Variants in DLL4 observed in about 807,000 individuals in gnomAD.
The protein encoded by DLL4 is delta like canonical Notch ligand 4.
A neutral mutation model predicts 73.6 loss-of-function variants in DLL4; 7 were observed. The ratio of observed to expected loss-of-function variants is 0.10; its 90% confidence interval spans 0.05 to 0.18. DLL4 has a LOEUF of 0.18. DLL4 is among the 10% of genes least tolerant of loss of function. DLL4 has a pLI of 1.00. For synonymous variants in DLL4, 345 were observed against 374.3 expected (o/e 0.92, Z 0.90); for missense variants, 614 against 929.9 (o/e 0.66, Z 4.42).
intron 6 of DLL4, among the ~76,000 whole-genome samples, chr15:40,933,288 G>A (rs1488812736): frequency 6.6e-6 from 1 of 151,924 alleles, no homozygotes; most frequent in Non-Finnish European, 1.5e-5. Flanking sequence ...GTGTGTGTGT[G>A]TGTGTGTGTG....
In DLL4 at chr15:40,929,581, C is replaced by T. The variant is rs764467324; in HGVS notation, c.-88C>T. ...GAGAGGAGCGCCTCTTTTCAGGGAC[C>T]CCGCCGGCTGGCGGACGCGCGGGAA... On this transcript the variant is annotated 5_prime_UTR_variant, in exon 1 of 11. Transcript: ENST00000249749. The surrounding 1 kb of genome is among the most constrained non-coding windows in gnomAD (Gnocchi z 7.1). The T allele has an allele frequency of 7.7e-7, 1 of 1,293,082 alleles. No homozygotes were observed. The highest frequency in any genetic ancestry group is 1.0e-6 in the Non-Finnish European group (1 of 969,694). 80.1% of individuals were successfully genotyped at this position (1,293,082 alleles called of 1,614,324 possible).
intron 9 of DLL4, 58 bp from the exon 10 acceptor site, chr15:40,937,360 C>G: frequency 4.0e-6 from 5 of 1,238,654 alleles, no homozygotes; most frequent in South Asian, 1.2e-5. Context: ...CCAGGGTCCT[C>G]CCTCCCCCCA....
Position 40,930,450 on chromosome 15 carries a change from T to A in DLL4, c.337-175T>A. ...TCTCAACCCTCCCTCTACCGGGGGT[T>A]CTCCTCTCGCCTTCCCTGCTCAAGC... On this transcript the variant is annotated intron_variant, in intron 2 of 10. Transcript: ENST00000249749. The surrounding 1 kb of genome is among the most constrained non-coding windows in gnomAD (Gnocchi z 5.7). The A allele has an allele frequency of 1.5e-6, 1 of 670,064 alleles. No individual in the cohort carries two copies. The highest frequency in any genetic ancestry group is 2.7e-5 in the East Asian group (1 of 36,774). The allele number at this position is 670,064 out of a possible 1,614,324, so 41.5% of individuals were successfully genotyped here. A position where few individuals can be genotyped will look rare whatever the true frequency, so the allele number is the denominator to read the frequency against.
Position 40,936,473 on chromosome 15 carries a change from T to C in DLL4, c.1486T>C (p.Tyr496His). ...TCCCTGCTTCAACAGGGCCACCTGC[T>C]ACACCGACCTCTCCACAGACACCTT... Reference protein sequence around the residue: ...SSPCFNRATCYTDLSTDTFVC... With the variant: ...SSPCFNRATCHTDLSTDTFVC... The change falls in exon 9 of 11, where the codon TAC becomes CAC. Residue 496 changes from tyrosine to histidine, a missense_variant. Physicochemically the swap from Tyr to His is moderately conservative, Grantham distance 83. Coordinates refer to ENST00000249749, the MANE Select transcript of DLL4 (RefSeq NM_019074.4). 1 of 1,611,156 alleles carries C rather than the reference T, an allele frequency of 6.2e-7. No individual in the cohort carries two copies. The highest frequency in any genetic ancestry group is 8.5e-7 in the Non-Finnish European group (1 of 1,179,536).
chr15:40,932,282 C>T, intron 5 of DLL4, 35 bp from the exon 6 acceptor site: 1 of 1,614,006 alleles, frequency 6.2e-7, no homozygotes, highest in Non-Finnish European at 8.5e-7. Context: ...TGGCCAAGGC[C>T]TCTCACCTCA....
intron 6 of DLL4, among the ~76,000 whole-genome samples, chr15:40,932,774 A>C (rs752583112): frequency 6.6e-6 from 1 of 152,160 alleles, no homozygotes; most frequent in Non-Finnish European, 1.5e-5. Context: ...TTCCTCTTTC[A>C]ACCCCGTAGT....
In DLL4 at chr15:40,938,134, C is replaced by T. The variant is rs968510362; in HGVS notation, c.*100C>T. On this transcript the variant is annotated 3_prime_UTR_variant, in exon 11 of 11. Transcript: ENST00000249749. ...TGGATGGGACGTTTTTCATATGCAACGTGCTGCTCTCAGGAGGAGGAGGGA... is the reference window on the plus strand; with the variant it reads ...TGGATGGGACGTTTTTCATATGCAATGTGCTGCTCTCAGGAGGAGGAGGGA... 4.7e-5 allele frequency: 62 copies of T among 1,312,266 alleles called. No individual in the cohort carries two copies. Among genetic ancestry groups the T allele is most frequent in the Non-Finnish European group, 6.2e-5 (61 of 988,114 alleles). The allele number at this position is 1,312,266 out of a possible 1,614,324, so 81.3% of individuals were successfully genotyped here.
chr15:40,931,265 A>T (rs1026969800), intron 3 of DLL4: 1 of 578,414 alleles, frequency 1.7e-6, no homozygotes, highest in Non-Finnish European at 3.1e-6. Flanking sequence ...ACATCCTTCT[A>T]TTGTCCCCTT....
chr15:40,931,729 C>T lies in DLL4; in HGVS notation c.621C>T (p.Ser207=), dbSNP rs773718202. 2 of 1,613,822 alleles carry T rather than the reference C, an allele frequency of 1.2e-6. No individual in the cohort carries two copies. Among genetic ancestry groups the T allele is most frequent in the South Asian group, 1.1e-5 (1 of 91,074 alleles). Reference sequence around the variant, plus strand: ...TGTGCCAGCCAGATGGCAACTTGTCCTGCCTGCCCGGTTGGACTGGGGAAT... The same window carrying T: ...TGTGCCAGCCAGATGGCAACTTGTCTTGCCTGCCCGGTTGGACTGGGGAAT... ...HYVCQPDGNL[S]CLPGWTGEYC... The change falls in exon 4 of 11, where the codon TCC becomes TCT. Residue 207 remains serine, a synonymous_variant. Transcript: ENST00000249749.
At chr15:40,937,679 C>T (rs1417150070) in intron 10 of DLL4, among the ~76,000 whole-genome samples, 153 bp downstream of exon 10, 1 of 152,212 alleles carries the variant, frequency 6.6e-6, no homozygotes. Flanking sequence ...GGCCTCATTG[C>T]CACTAAGGGT....
chr15:40,936,244 C>A lies in DLL4; in HGVS notation c.1257C>A (p.Asn419Lys). 6.3e-7 allele frequency: 1 copy of A among 1,597,402 alleles called. No individual in the cohort carries two copies. Among genetic ancestry groups the A allele is most frequent in the Non-Finnish European group, 8.5e-7 (1 of 1,173,698 alleles). ...TCCTCACAGGGGGACAGTGCCTGAACCGAGGTCCAAGCCGCATGTGCCGCT... is the reference window on the plus strand; with the variant it reads ...TCCTCACAGGGGGACAGTGCCTGAAACGAGGTCCAAGCCGCATGTGCCGCT... ...NPCANGGQCL[N>K]RGPSRMCRCR... The change falls in exon 9 of 11, where the codon AAC becomes AAA. Residue 419 changes from asparagine to lysine, a missense_variant. Coordinates refer to ENST00000249749, the MANE Select transcript of DLL4 (RefSeq NM_019074.4).
Position 40,934,697 on chromosome 15 carries a change from C to A in DLL4, c.1000C>A (p.Arg334Ser). Residue 334 changes from arginine to serine, a missense_variant, in exon 7 of 11, where the codon CGC becomes AGC. Around this residue, in one of 3 missense-constraint regions of DLL4, gnomAD observed 386 missense variants for 541.3 expected, o/e 0.71. Transcript: ENST00000249749. Reference protein sequence around the residue: ...ELSECDSNPCRNGGSCKDQED... With the variant: ...ELSECDSNPCSNGGSCKDQED... ...CAGCGAGTGTGACAGCAACCCCTGT[C>A]GCAATGGAGGCAGCTGTAAGGTGAG... The A allele has an allele frequency of 6.2e-7, 1 of 1,613,518 alleles. No homozygotes were observed. The highest frequency in any genetic ancestry group is 1.1e-5 in the South Asian group (1 of 91,046).
At position 40,936,739 on chromosome 15, in the gene DLL4, G is replaced by C. The variant is rs1484293877; in HGVS notation, c.1752G>C (p.Gln584His). 1.2e-6 allele frequency: 2 copies of C among 1,613,794 alleles called. No homozygotes were observed. The highest frequency in any genetic ancestry group is 4.5e-5 in the East Asian group (2 of 44,898). Residue 584 changes from glutamine to histidine, a missense_variant, in exon 9 of 11, where the codon CAG (glutamine) becomes CAC (histidine). Around this residue, in one of 3 missense-constraint regions of DLL4, gnomAD observed 386 missense variants for 541.3 expected, o/e 0.71. Coordinates refer to ENST00000249749, the MANE Select transcript of DLL4 (RefSeq NM_019074.4). ...AGGACAACCTGATTCCTGCCGCCCAGCTTAAAAACACAAACCAGAAGAAGG... is the reference window on the plus strand; with the variant it reads ...AGGACAACCTGATTCCTGCCGCCCACCTTAAAAACACAAACCAGAAGAAGG... ...FQKDNLIPAA[Q>H]LKNTNQKKEL...
In DLL4 at chr15:40,930,096, C is replaced by G. The variant is rs1213142797; in HGVS notation, c.316C>G (p.Pro106Ala). 5.0e-6 allele frequency: 8 copies of G among 1,607,300 alleles called. No homozygotes were observed. Among genetic ancestry groups the G allele is most frequent in the Non-Finnish European group, 5.1e-6 (6 of 1,177,736 alleles). The change falls in exon 2 of 11, where the codon CCC becomes GCC. Residue 106 changes from proline (P) to alanine (A), a missense_variant. Pro to Ala is a conservative substitution (Grantham distance 27, BLOSUM62 -1). Around this residue, in one of 3 missense-constraint regions of DLL4, gnomAD observed 227 missense variants for 370.8 expected, o/e 0.61. Coordinates refer to ENST00000249749, the MANE Select transcript of DLL4 (RefSeq NM_019074.4). This position sits in a 1 kb window ranked among gnomAD's most constrained non-coding sequence, Gnocchi z 5.7. Reference sequence around the variant, plus strand: ...CGGGGGGCGCAACCCTCTCCAACTGCCCTTCAATTTCACCTGGCCGGTGAG... The same window carrying G: ...CGGGGGGCGCAACCCTCTCCAACTGGCCTTCAATTTCACCTGGCCGGTGAG... ...SGGGRNPLQL[P>A]FNFTWPGTFS... is the part of the protein sequence containing the mutation.
At chr15:40,932,586 CT>C in intron 6 of DLL4, 139 bp downstream of exon 6, 1 of 1,191,738 alleles carries the variant, frequency 8.4e-7, no homozygotes, top group Non-Finnish European at 1.2e-6. Flanking sequence ...GATCTTGGGT[CT>C]TTTAAGGATC....
In DLL4 at chr15:40,938,912, AATAAT is replaced by A. The variant is rs1382951217; in HGVS notation, c.*881_*885del. 6.6e-6 allele frequency: 1 copy of A among 150,788 alleles called. No homozygotes were observed. The highest frequency in any genetic ancestry group is 1.5e-5 in the Non-Finnish European group (1 of 67,872). The allele number at this position is 150,788 out of a possible 1,614,324, so 9.3% of individuals were successfully genotyped here. On this transcript the variant is annotated 3_prime_UTR_variant, in exon 11 of 11. Transcript: ENST00000249749. ...CCCTCAAAGCTGGTCTTCAGAAATC[AATAAT>A]ATGAGTTTTTATTTTGTTTTTTTTT...
Position 40,932,455 on chromosome 15 carries a change from A to G in DLL4, c.850+8A>G. 6.2e-7 allele frequency: 1 copy of G among 1,613,834 alleles called. No homozygotes were observed. Among genetic ancestry groups the G allele is most frequent in the Non-Finnish European group, 8.5e-7 (1 of 1,179,854 alleles). On this transcript the variant is annotated splice_region_variant and intron_variant, in intron 6 of 10. Coordinates refer to ENST00000249749, the MANE Select transcript of DLL4 (RefSeq NM_019074.4). Reference sequence around the variant, plus strand: ...GCCTGTTTTGTGACCAAGGTGAGTCAGGGTGAAGAGAGGGTGCAGAGGGTG... The same window carrying G: ...GCCTGTTTTGTGACCAAGGTGAGTCGGGGTGAAGAGAGGGTGCAGAGGGTG...
rs370678249 is a variant in DLL4, at chr15:40,937,006, C to G, written c.1943+76C>G. ...CTGCCTAGGCTCCTCTTAGGCCAGG[C>G]GGGAAGCAGTTAAGCAGCTGAGGTT... On this transcript the variant is annotated intron_variant, in intron 9 of 10. Coordinates refer to ENST00000249749, the MANE Select transcript of DLL4 (RefSeq NM_019074.4). The G allele has an allele frequency of 6.2e-6, 8 of 1,288,898 alleles. No homozygotes were observed. The South Asian group carries it at 9.2e-5, about 15-fold the overall frequency. 79.8% of individuals were successfully genotyped at this position (1,288,898 alleles called of 1,614,324 possible). A position where few individuals can be genotyped will look rare whatever the true frequency, so the allele number is the denominator to read the frequency against.
Position 40,932,208 on chromosome 15 carries a change from C to T in DLL4, c.696C>T (p.Tyr232=), listed in dbSNP as rs766444211. Residue 232 remains tyrosine, a synonymous_variant, in exon 5 of 11, where the codon TAC becomes TAT. Transcript: ENST00000249749. The part of the protein sequence containing the change: ...CLSGCHEQNG[Y]CSKPAECLCR... ...CGGGCTGTCATGAACAGAATGGCTACTGCAGCAAGCCAGCAGAGTGCCTGT... is the reference window on the plus strand; with the variant it reads ...CGGGCTGTCATGAACAGAATGGCTATTGCAGCAAGCCAGCAGAGTGCCTGT... 3.1e-6 allele frequency: 5 copies of T among 1,613,022 alleles called. No individual in the cohort carries two copies. Among genetic ancestry groups the T allele is most frequent in the Non-Finnish European group, 3.4e-6 (4 of 1,179,812 alleles).
Sources: gnomAD v4.1 joint callset for allele counts (sites outside exome capture counted in the v4.1 genomes callset) on GRCh38, gnomAD v4.1.1 for gene constraint, gnomAD v4.1.1 regional missense constraint, Gnocchi (gnomAD v3.1) non-coding constraint, MANE v1.5 for transcripts, NCBI Gene and HGNC (gene_info 2026-07-23, HGNC 2026-07-21) for gene names.